The following EXD3 variants were observed in gnomAD, a reference collection of about 807,000 sequenced individuals.
The protein encoded by EXD3 is exonuclease mut-7 homolog.
EXD3 carries 92 observed loss-of-function variants against 98.0 expected under a neutral mutation model. The ratio of observed to expected loss-of-function variants is 0.94; its 90% CI spans 0.79 to 1.12. EXD3 has a LOEUF of 1.12. Ranked by LOEUF, EXD3 falls within the 50% of genes most tolerant of loss-of-function variation. The probability of loss-of-function intolerance (pLI) is 0.00; values close to 1 mark genes in which losing one functional copy is unlikely to be tolerated. For missense variants in EXD3, 1,222 were observed against 1,191.6 expected, an observed-to-expected ratio of 1.03 and a Z score of -0.38; for synonymous variants, 569 against 526.0, an observed-to-expected ratio of 1.08 and a Z score of -1.12.
At chr9:137,375,542 T>C (rs576871356) in intron 3 of EXD3, among the ~76,000 whole-genome samples, 5 of 152,242 alleles carry the variant, frequency 3.3e-5, no homozygotes. Context: ...CCTAGTGAGT[T>C]CTAGCTCCTG....
chr9:137,355,395 G>A lies in EXD3; in HGVS notation c.758-622C>T, dbSNP rs556434424. Among the ~76,000 whole-genome samples the A allele has an allele frequency of 7.4e-5, 11 of 148,592 alleles. 1 individual carries two copies. Among genetic ancestry groups the A allele is most frequent in the South Asian group, 6.4e-4 (3 of 4,678 alleles). ...AGAGCGCAGCCACGGGGAGCCGGGCGACCATCTGCCCTGAGGCAGGGAGGA... is the reference window on the plus strand; with the variant it reads ...AGAGCGCAGCCACGGGGAGCCGGGCAACCATCTGCCCTGAGGCAGGGAGGA... On this transcript the variant is annotated intron_variant, in intron 8 of 21. Transcript: ENST00000340951.
At chr9:137,416,941 C>T (rs1253237853) in intron 1 of EXD3, among the ~76,000 whole-genome samples, 6 of 152,248 alleles carry the variant, frequency 3.9e-5, no homozygotes, top group Admixed American at 2.0e-4. Context: ...GCCCCGACAC[C>T]TCCCCGTTTC....
At chr9:137,412,425 G>A (rs1277698282) in intron 1 of EXD3, among the ~76,000 whole-genome samples, 2 of 152,230 alleles carry the variant, frequency 1.3e-5, no homozygotes, top group African/African-American at 4.8e-5. Context: ...TTGTTTCTCA[G>A]TTTTTAAATG....
chr9:137,351,731 G>A (rs1047193941), intron 12 of EXD3, among the ~76,000 whole-genome samples: 1 of 152,244 alleles, frequency 6.6e-6, no homozygotes, highest in Non-Finnish European at 1.5e-5. Flanking sequence ...GCACCAGAGA[G>A]GGAGGCCTGG....
intron 17 of EXD3, among the ~76,000 whole-genome samples, chr9:137,327,729 C>A (rs1588257891): frequency 6.6e-6 from 1 of 150,812 alleles, no homozygotes; most frequent in Non-Finnish European, 1.5e-5. Flanking sequence ...AACAAATATA[C>A]ACCCACATGA....
chr9:137,310,503 C>T (rs954182170), intron 19 of EXD3, among the ~76,000 whole-genome samples: 4 of 152,198 alleles, frequency 2.6e-5, no homozygotes, highest in Non-Finnish European at 5.9e-5. Flanking sequence ...TGCTGGGACT[C>T]CAGGTGTGTG....
At chr9:137,388,664 G>C (rs1488827637) in intron 2 of EXD3, among the ~76,000 whole-genome samples, 2 of 152,130 alleles carry the variant, frequency 1.3e-5, no homozygotes, top group Non-Finnish European at 2.9e-5. Context: ...GGGGACACCC[G>C]GCCTCCAGGC....
At chr9:137,325,867 A>C (rs1832373805) in intron 17 of EXD3, among the ~76,000 whole-genome samples, 1 of 152,218 alleles carries the variant, frequency 6.6e-6, no homozygotes, top group South Asian at 2.1e-4. Flanking sequence ...CGATGGGTAG[A>C]TTGCTTGAGT....
Position 137,405,961 on chromosome 9 carries a change from T to C in EXD3, c.-47-10557A>G, listed in dbSNP as rs1837692223. On this transcript the variant is annotated intron_variant, in intron 1 of 21. Coordinates refer to ENST00000340951, the MANE Select transcript of EXD3 (RefSeq NM_017820.5). The surrounding 1 kb of genome is among the most constrained non-coding windows in gnomAD (Gnocchi z 4.1). ...CTGGCTGGGCACGGTGGCTCACGCC[T>C]GTAATCCCAGCCTTGTGGGAGGCCG... 6.6e-6 allele frequency among the ~76,000 whole-genome samples: 1 copy of C among 152,170 alleles called. No individual in the cohort carries two copies. Among genetic ancestry groups the C allele is most frequent in the East Asian group, 1.9e-4 (1 of 5,190 alleles).
chr9:137,354,390 A>C lies in EXD3; in HGVS notation c.832-13T>G. 3 of 1,612,364 alleles carry C rather than the reference A, an allele frequency of 1.9e-6. No homozygotes were observed. The highest frequency in any genetic ancestry group is 1.7e-6 in the Non-Finnish European group (2 of 1,179,692). ...GTGACAGGCTCTTCTGCAAAGGCAAACAGGAAGGGGCGGTTGCCAGGCAGC... is the reference window on the plus strand; with the variant it reads ...GTGACAGGCTCTTCTGCAAAGGCAACCAGGAAGGGGCGGTTGCCAGGCAGC... On this transcript the variant is annotated splice_polypyrimidine_tract_variant and intron_variant, in intron 9 of 21. Transcript: ENST00000340951.
In EXD3 at chr9:137,395,954, T is replaced by TTTTC. The variant is rs201408719; in HGVS notation, c.-47-554_-47-551dup. On this transcript the variant is annotated intron_variant, in intron 1 of 21. Transcript: ENST00000340951. This position sits in a 1 kb window ranked among gnomAD's most constrained non-coding sequence, Gnocchi z 6.5. Reference sequence around the variant, plus strand: ...GTCTCCCTCAGAGTGTTTTTTTTTCTTTTCTTTCTTTCTTTCTTTTTTTTT... The same window carrying TTTTC: ...GTCTCCCTCAGAGTGTTTTTTTTTCTTTTCTTTCTTTCTTTCTTTCTTTTTTTTT... Among the ~76,000 whole-genome samples the TTTTC allele has an allele frequency of 0.024, 3,569 of 150,228 alleles. 146 individuals are homozygous for TTTTC. The highest frequency in any genetic ancestry group is 0.08 in the African/African-American group (3,251 of 40,484).
At chr9:137,313,411 C>G (rs1184303802) in intron 19 of EXD3, among the ~76,000 whole-genome samples, 1 of 152,174 alleles carries the variant, frequency 6.6e-6, no homozygotes, top group Non-Finnish European at 1.5e-5. Flanking sequence ...GTCCCACCAC[C>G]AGGCTGGGAA....
chr9:137,397,063 G>A lies in EXD3; in HGVS notation c.-47-1659C>T, dbSNP rs543056730. On this transcript the variant is annotated intron_variant, in intron 1 of 21. Coordinates refer to ENST00000340951, the MANE Select transcript of EXD3 (RefSeq NM_017820.5). Reference sequence around the variant, plus strand: ...AGGACCCCCGAGCCTCCCAGGACCCGCGGCCCCAGGGCTGAGAATACAGTG... The same window carrying A: ...AGGACCCCCGAGCCTCCCAGGACCCACGGCCCCAGGGCTGAGAATACAGTG... Among the ~76,000 whole-genome samples the A allele has an allele frequency of 1.1e-3, 169 of 152,296 alleles. 2 individuals carry two copies. The highest frequency in any genetic ancestry group is 6.0e-3 in the South Asian group (29 of 4,834).
At position 137,366,568 on chromosome 9, in the gene EXD3, G is replaced by A. The variant is rs773797113; in HGVS notation, c.581C>T (p.Pro194Leu). ...GACCAGCAGCCTCCTCTGGAGGTCCGGGAAGCCGGCCACATAGCGCTCCAC... is the reference window on the plus strand; with the variant it reads ...GACCAGCAGCCTCCTCTGGAGGTCCAGGAAGCCGGCCACATAGCGCTCCAC... ...ALVERYVAGF[P>L]DLQRRLLVLM... The change falls in exon 7 of 22, where the codon CCG (proline) becomes CTG (leucine). Residue 194 changes from proline (P) to leucine (L), a missense_variant. Pro to Leu is a moderately conservative substitution (Grantham distance 98). Coordinates refer to ENST00000340951, the MANE Select transcript of EXD3 (RefSeq NM_017820.5). 13 of 1,552,352 alleles carry A rather than the reference G, an allele frequency of 8.4e-6. No individual in the cohort carries two copies. Among genetic ancestry groups the A allele is most frequent in the African/African-American group, 2.7e-5 (2 of 72,744 alleles).
chr9:137,399,033 C>G (rs73668263), intron 1 of EXD3, among the ~76,000 whole-genome samples: 16,101 of 152,190 alleles, frequency 0.11, 1,113 homozygotes, highest in African/African-American at 0.2. Flanking sequence ...ACCGACATCC[C>G]CGTGACATAC....
intron 19 of EXD3, among the ~76,000 whole-genome samples, chr9:137,318,697 G>A (rs904909624): frequency 1.3e-5 from 2 of 152,104 alleles, no homozygotes; most frequent in Non-Finnish European, 2.9e-5. Flanking sequence ...GTGGGCCGGT[G>A]GGCCATCCTC....
intron 19 of EXD3, among the ~76,000 whole-genome samples, chr9:137,312,391 C>T (rs1831411303): frequency 6.6e-6 from 1 of 152,206 alleles, no homozygotes; most frequent in Admixed American, 6.5e-5. Flanking sequence ...CCACGCTCCT[C>T]AGCCACTGGG....
intron 19 of EXD3, among the ~76,000 whole-genome samples, chr9:137,319,506 CAGTGCTGCTGG>C (rs1446374192): frequency 6.6e-6 from 1 of 152,208 alleles, no homozygotes; most frequent in East Asian, 1.9e-4. Flanking sequence ...ACTGAGGCTG[CAGTGCTGCTGG>C]AGTGGGTGGT....
At chr9:137,364,770 G>GTTTTTTT (rs34642939) in intron 7 of EXD3, among the ~76,000 whole-genome samples, 1 of 132,130 alleles carries the variant, frequency 7.6e-6, no homozygotes, top group Non-Finnish European at 1.6e-5. Flanking sequence ...TTTGTTCTAT[G>GTTTTTTT]TTTTTTTTTT....
Sources: allele counts gnomAD v4.1 joint callset (sites outside exome capture counted in the v4.1 genomes callset), GRCh38; gene constraint gnomAD v4.1.1; non-coding constraint Gnocchi (gnomAD v3.1); transcripts MANE v1.5; gene names NCBI Gene and HGNC (gene_info 2026-07-23, HGNC 2026-07-21).